The following PCDHA2 variants were observed in gnomAD, a reference collection of about 807,000 sequenced individuals.
PCDHA2 encodes protocadherin alpha 2, also known as protocadherin alpha-2.
A neutral mutation model predicts 66.0 loss-of-function variants in PCDHA2; 58 were observed. The ratio of observed to expected loss-of-function variants is 0.88; its 90% confidence interval spans 0.71 to 1.09. The LOEUF is 1.09. Among genes scored for constraint, PCDHA2 ranks in the 50% least tolerant of loss-of-function variants. The probability of loss-of-function intolerance (pLI) is 0.00; values close to 1 mark genes in which losing one functional copy is unlikely to be tolerated. For synonymous variants in PCDHA2, 634 were observed against 554.0 expected, an observed-to-expected ratio of 1.14 and a Z score of -2.03; for missense variants, 1,267 against 1,242.3, an observed-to-expected ratio of 1.02 and a Z score of -0.30.
chr5:140,838,077 A>AGTGTGTGT (rs57130401), intron 1 of PCDHA2, among the ~76,000 whole-genome samples: 22 of 80,694 alleles, frequency 2.7e-4, no homozygotes, highest in South Asian at 8.5e-4. Flanking sequence ...ATATATATAT[A>AGTGTGTGT]GTGTGTGTGT....
At chr5:140,801,611 G>A in intron 1 of PCDHA2, 1 of 1,614,162 alleles carries the variant, frequency 6.2e-7, no homozygotes, top group Non-Finnish European at 8.5e-7. Context: ...TGGCTGTAAA[G>A]AATCTGTTTA....
At chr5:141,008,426 C>T (rs2098375902) in intron 3 of PCDHA2, among the ~76,000 whole-genome samples, 1 of 152,170 alleles carries the variant, frequency 6.6e-6, no homozygotes, top group Non-Finnish European at 1.5e-5. Flanking sequence ...ACTGGGATCA[C>T]TTTGCCCAGA....
chr5:141,006,290 C>G (rs1465211339), intron 3 of PCDHA2, among the ~76,000 whole-genome samples: 5 of 152,050 alleles, frequency 3.3e-5, no homozygotes, highest in Non-Finnish European at 5.9e-5. Flanking sequence ...CAGCTCACTG[C>G]AAGCTCCACT....
chr5:141,005,489 G>A (rs1336877426), intron 3 of PCDHA2, among the ~76,000 whole-genome samples: 3 of 151,788 alleles, frequency 2.0e-5, no homozygotes, highest in Non-Finnish European at 4.4e-5. Context: ...GGATCATGAG[G>A]TCAGGAGATC....
chr5:140,942,641 G>T (rs1198552335), intron 1 of PCDHA2, among the ~76,000 whole-genome samples: 1 of 151,754 alleles, frequency 6.6e-6, no homozygotes, highest in African/African-American at 2.4e-5. Flanking sequence ...TGGCAAAAGA[G>T]ATCTCATTCA....
chr5:140,801,386 G>T, intron 1 of PCDHA2: 1 of 1,613,622 alleles, frequency 6.2e-7, no homozygotes, highest in Non-Finnish European at 8.5e-7. Flanking sequence ...TGCCGCGCCT[G>T]TTCCGGGTGG....
At chr5:140,829,220 C>G (rs149405425) in intron 1 of PCDHA2, 22 of 1,614,108 alleles carry the variant, frequency 1.4e-5, no homozygotes, top group Non-Finnish European at 1.8e-5. Flanking sequence ...CGTGAACGAC[C>G]TCGATTCAGG....
intron 3 of PCDHA2, among the ~76,000 whole-genome samples, chr5:140,993,462 TCACACACACACACA>T (rs3836747): frequency 0.028 from 4,017 of 141,026 alleles, 179 homozygotes; most frequent in African/African-American, 0.099. Context: ...TCTTTCTTTC[TCACACACACACACA>T]CACACACACA....
rs2150513475 is a variant in PCDHA2 at position 140,852,208 on chromosome 5, C to T, written c.2388+54856C>T. On this transcript the variant is annotated intron_variant, in intron 1 of 3. Transcript: ENST00000526136. ...AAATGCCAGTAACGTTTATTTAAAA[C>T]AAAATATTTTAATTTTTAAATTTTC... The T allele has an allele frequency of 5.2e-5, 34 of 657,540 alleles. 1 individual carries two copies. The African/African-American group carries it at 5.9e-4, about 11-fold the overall frequency. The allele number at this position is 657,540 out of a possible 1,614,324, so 40.7% of individuals were successfully genotyped here.
intron 1 of PCDHA2, chr5:140,850,565 G>A (rs2041680380): frequency 1.3e-6 from 2 of 1,598,414 alleles, no homozygotes; most frequent in East Asian, 4.5e-5. Flanking sequence ...CGGGCCCCGA[G>A]GTGACGCTGG....
At chr5:140,924,901 A>AAAAAAATAAAT (rs369245222) in intron 1 of PCDHA2, among the ~76,000 whole-genome samples, 34 of 80,504 alleles carry the variant, frequency 4.2e-4, no homozygotes, top group Non-Finnish European at 7.7e-4. Context: ...TCTCAAAAAA[A>AAAAAAATAAAT]AAAATAAAAT....
rs1349826822 is a variant in PCDHA2, at chr5:140,911,368, C to A, written c.2389-67581C>A. Reference sequence around the variant, plus strand: ...CCTCATTTCAACAGTAGACACCTGGCAAGGCTGTGCATGCACCTTTCATTG... The same window carrying A: ...CCTCATTTCAACAGTAGACACCTGGAAAGGCTGTGCATGCACCTTTCATTG... On this transcript the variant is annotated intron_variant, in intron 1 of 3. Coordinates refer to ENST00000526136, the MANE Select transcript of PCDHA2 (RefSeq NM_018905.3). 3.3e-5 allele frequency among the ~76,000 whole-genome samples: 5 copies of A among 152,144 alleles called. No homozygotes were observed. The East Asian group carries it at 7.7e-4, about 23-fold the overall frequency.
intron 1 of PCDHA2, among the ~76,000 whole-genome samples, chr5:140,947,543 G>T (rs1013985097): frequency 6.6e-5 from 10 of 151,548 alleles, no homozygotes; most frequent in Non-Finnish European, 1.2e-4. Flanking sequence ...TTTCTACAAA[G>T]AATTCCGCTG....
At chr5:140,926,373 G>T (rs1040164585) in intron 1 of PCDHA2, 1 of 152,370 alleles carries the variant, frequency 6.6e-6, no homozygotes, top group African/African-American at 2.4e-5. Flanking sequence ...GGCAGGAAGA[G>T]CCCAGCTGGG....
At chr5:140,829,795 T>C (rs1166069883) in intron 1 of PCDHA2, 11 of 1,613,604 alleles carry the variant, frequency 6.8e-6, no homozygotes, top group Non-Finnish European at 9.3e-6. Flanking sequence ...TGCTGGCGCC[T>C]CGGGTGGGTG....
chr5:140,889,978 A>C (rs1326390288), intron 1 of PCDHA2, among the ~76,000 whole-genome samples: 1 of 152,202 alleles, frequency 6.6e-6, no homozygotes, highest in Non-Finnish European at 1.5e-5. Flanking sequence ...TCCAGTCTCC[A>C]GTTGTCTTAG....
intron 1 of PCDHA2, chr5:140,835,817 G>T (rs2150245565): frequency 1.9e-6 from 3 of 1,612,632 alleles, no homozygotes; most frequent in Admixed American, 1.7e-5. Flanking sequence ...TCACTGTGTC[G>T]GCGGGGGACG....
intron 3 of PCDHA2, 125 bp downstream of exon 3, chr5:140,982,688 A>G: frequency 6.4e-6 from 9 of 1,415,764 alleles, no homozygotes; most frequent in African/African-American, 1.4e-5. Flanking sequence ...CCTTTTTTCC[A>G]TACATACATG....
Position 140,843,520 on chromosome 5 carries a change from G to A in PCDHA2, c.2388+46168G>A, listed in dbSNP as rs2150361803. 1.5e-5 allele frequency: 24 copies of A among 1,595,834 alleles called. 2 individuals are homozygous for A. The highest frequency in any genetic ancestry group is 2.0e-5 in the Non-Finnish European group (23 of 1,165,564). On this transcript the variant is annotated intron_variant, in intron 1 of 3. Coordinates refer to ENST00000526136, the MANE Select transcript of PCDHA2 (RefSeq NM_018905.3). ...CACTGCCCACTGAGGGCGGGTGCCG[G>A]GCGGGCAAGCCCACTCTGGTGTGCT...
Sources: gnomAD v4.1 joint callset for allele counts (sites outside exome capture counted in the v4.1 genomes callset) on GRCh38, gnomAD v4.1.1 for gene constraint, MANE v1.5 for transcripts, NCBI Gene and HGNC (gene_info 2026-07-23, HGNC 2026-07-21) for gene names.